PTP4A1: variants seen among roughly 807,000 people sequenced by gnomAD.
The protein encoded by PTP4A1 is protein tyrosine phosphatase 4A1, also known as protein tyrosine phosphatase type IVA 1.
A neutral mutation model predicts 20.5 loss-of-function variants in PTP4A1; 9 were observed. That is an observed-to-expected ratio of 0.44 (90% confidence interval 0.26 to 0.77). PTP4A1 has a LOEUF of 0.77. Among genes scored for constraint, PTP4A1 ranks in the 30% least tolerant of loss-of-function variants. The pLI, the probability that PTP4A1 is intolerant of heterozygous loss-of-function variation, is 0.19. For missense variants in PTP4A1, 137 were observed against 218.8 expected, an observed-to-expected ratio of 0.63 and a Z score of 2.36; for synonymous variants, 78 against 67.4, an observed-to-expected ratio of 1.16 and a Z score of -0.77.
At chr6:63,529,765 C>T (rs1025120406) in intron 2 of PTP4A1, among the ~76,000 whole-genome samples, 8 of 152,194 alleles carry the variant, frequency 5.3e-5, no homozygotes, top group African/African-American at 1.7e-4. Flanking sequence ...AATGAGGTTC[C>T]GTTTTTCTGA....
intron 2 of PTP4A1, among the ~76,000 whole-genome samples, chr6:63,528,589 G>A (rs1375566076): frequency 1.3e-5 from 2 of 151,888 alleles, no homozygotes; most frequent in Non-Finnish European, 2.9e-5. Flanking sequence ...AAATTAGCCA[G>A]CCATGAAAAA....
chr6:63,533,236 G>A (rs1461516699), intron 2 of PTP4A1, among the ~76,000 whole-genome samples: 1 of 152,060 alleles, frequency 6.6e-6, no homozygotes, highest in Non-Finnish European at 1.5e-5. Flanking sequence ...ACAAAAATTA[G>A]CCAGATGTGG....
Position 63,552,749 on chromosome 6 carries a change from A to G in PTP4A1, c.-446+2256A>G, listed in dbSNP as rs955952066. ...AAGGGATCCAGTTTCAGCTTTCTAC[A>G]TATGGCTAGCCAGTTTTCCCAACAC... On this transcript the variant is annotated intron_variant, in intron 3 of 3. Coordinates refer to the PTP4A1 transcript ENST00000639568. Among the ~76,000 whole-genome samples, 4 of 152,336 alleles carry G rather than the reference A, an allele frequency of 2.6e-5. No homozygotes were observed. The East Asian group carries it at 5.8e-4, about 22-fold the overall frequency.
intron 2 of PTP4A1, 40 bp from the exon 3 acceptor site, chr6:63,578,397 G>T: frequency 6.3e-7 from 1 of 1,584,914 alleles, no homozygotes; most frequent in South Asian, 1.1e-5. Flanking sequence ...ATAGTGATGT[G>T]GTTAAACATT....
intron 2 of PTP4A1, among the ~76,000 whole-genome samples, chr6:63,534,594 T>A (rs1581915315): frequency 6.6e-6 from 1 of 151,868 alleles, no homozygotes; most frequent in Admixed American, 6.6e-5. Context: ...GCTAGAGAAT[T>A]GCTTGAGCCC....
At chr6:63,575,633 A>G (rs531170323) in intron 1 of PTP4A1, among the ~76,000 whole-genome samples, 2 of 152,302 alleles carry the variant, frequency 1.3e-5, no homozygotes, top group South Asian at 4.1e-4. Context: ...TTTGAGTTGT[A>G]TATGTGAAAT....
chr6:63,545,199 G>T (rs555862403), intron 2 of PTP4A1, among the ~76,000 whole-genome samples: 2 of 152,050 alleles, frequency 1.3e-5, no homozygotes, highest in African/African-American at 2.4e-5. Flanking sequence ...TACTCAAATC[G>T]TCCCAGATTT....
At chr6:63,566,270 G>C (rs1777184640) in intron 3 of PTP4A1, among the ~76,000 whole-genome samples, 1 of 152,234 alleles carries the variant, frequency 6.6e-6, no homozygotes, top group African/African-American at 2.4e-5. Flanking sequence ...GGAACTTGCA[G>C]GGTGTTGCAA....
At chr6:63,555,310 C>G (rs752910460) in intron 3 of PTP4A1, among the ~76,000 whole-genome samples, 1 of 152,140 alleles carries the variant, frequency 6.6e-6, no homozygotes, top group Non-Finnish European at 1.5e-5. Context: ...CAAGGAACTT[C>G]GGAGAGTTCC....
chr6:63,537,058 A>T (rs1775758542), intron 2 of PTP4A1, among the ~76,000 whole-genome samples: 1 of 152,090 alleles, frequency 6.6e-6, no homozygotes, highest in Non-Finnish European at 1.5e-5. Flanking sequence ...TATTTGTTAA[A>T]TTAAAATTAA....
At chr6:63,579,199 T>C in intron 4 of PTP4A1, 58 bp from the exon 5 acceptor site, 2 of 1,525,314 alleles carry the variant, frequency 1.3e-6, no homozygotes, top group African/African-American at 2.8e-5. Flanking sequence ...TTTGGAGAAA[T>C]AAATTTACAA....
intron 2 of PTP4A1, among the ~76,000 whole-genome samples, chr6:63,531,711 T>C (rs1306009801): frequency 6.6e-6 from 1 of 151,998 alleles, no homozygotes. Flanking sequence ...AGGCTGGTCT[T>C]AACTACTGGA....
upstream of PTP4A1, among the ~76,000 whole-genome samples, chr6:63,519,189 C>G (rs911347747): frequency 1.3e-5 from 2 of 152,052 alleles, no homozygotes; most frequent in African/African-American, 4.8e-5. Context: ...TGCCTGTAAT[C>G]CCAGCTACTC....
intron 3 of PTP4A1, among the ~76,000 whole-genome samples, chr6:63,561,668 T>C (rs951962568): frequency 6.6e-6 from 1 of 152,136 alleles, no homozygotes; most frequent in East Asian, 1.9e-4. Flanking sequence ...TTTCCAAACG[T>C]TTAGAGGTGA....
intron 3 of PTP4A1, among the ~76,000 whole-genome samples, chr6:63,558,919 C>T (rs183895497): frequency 1.3e-5 from 2 of 152,278 alleles, no homozygotes; most frequent in Admixed American, 1.3e-4. Flanking sequence ...TTAGATAATG[C>T]TCCTAAAGTG....
chr6:63,577,993 A>G (rs1284499760), intron 2 of PTP4A1, among the ~76,000 whole-genome samples: 1 of 151,614 alleles, frequency 6.6e-6, no homozygotes, highest in East Asian at 1.9e-4. Context: ...CATTCAATGT[A>G]AATCAGTAAA....
chr6:63,559,916 C>T (rs571729019), intron 3 of PTP4A1, among the ~76,000 whole-genome samples: 2 of 152,026 alleles, frequency 1.3e-5, no homozygotes, highest in South Asian at 2.1e-4. Flanking sequence ...GGTGATCCAC[C>T]GTGCCTGGCC....
rs1032207436 is a variant in PTP4A1 at position 63,582,405 on chromosome 6, ATTAAT to A, written c.*2235_*2239del. 40 of 152,726 alleles carry A rather than the reference ATTAAT, an allele frequency of 2.6e-4. No homozygotes were observed. The highest frequency in any genetic ancestry group is 7.0e-4 in the African/African-American group (29 of 41,562). 9.5% of individuals were successfully genotyped at this position (152,726 alleles called of 1,614,324 possible). On this transcript the variant is annotated 3_prime_UTR_variant, in exon 6 of 6. Transcript: ENST00000626021. ...ATTGTATATATGGTGCTAAAAATAA[ATTAAT>A]TTACTTTATAAACCTTATCTGTACA...
chr6:63,574,860 T>A (rs1315802069), intron 1 of PTP4A1, among the ~76,000 whole-genome samples: 2 of 152,226 alleles, frequency 1.3e-5, no homozygotes, highest in African/African-American at 4.8e-5. Context: ...ACAATCTGTA[T>A]TCACTGTAAC....
Sources: gnomAD v4.1 joint callset for allele counts (sites outside exome capture counted in the v4.1 genomes callset) on GRCh38, gnomAD v4.1.1 for gene constraint, MANE v1.5 for transcripts, NCBI Gene and HGNC (gene_info 2026-07-23, HGNC 2026-07-21) for gene names.